OFD1: variants seen among roughly 807,000 people sequenced by gnomAD.
OFD1 encodes OFD1 centriole and centriolar satellite protein.
OFD1 carries 12 observed loss-of-function variants against 81.4 expected under a neutral mutation model. That is an observed-to-expected ratio of 0.15 (90% confidence interval 0.09 to 0.24). The LOEUF is 0.24. OFD1 is among the 10% of genes least tolerant of loss of function. The pLI is 1.00. For missense variants in OFD1, 685 were observed against 733.9 expected (o/e 0.93, Z 0.77); for synonymous variants, 256 against 263.7 (o/e 0.97, Z 0.28).
At chrX:13,771,120 TTAC>T (rs1453602718), downstream of OFD1, 7 of 112,361 alleles carry the variant, frequency 6.2e-5, no homozygotes, top group Non-Finnish European at 1.3e-4. Flanking sequence ...CACTGTTAGG[TTAC>T]AAAAATTTAT....
intron 11 of OFD1, among the ~76,000 whole-genome samples, chrX:13,754,012 C>T (rs1418686685): frequency 9.5e-6 from 1 of 105,740 alleles, no homozygotes; most frequent in Non-Finnish European, 1.9e-5. Flanking sequence ...GACGGAGTCT[C>T]GCTCTGTCAC....
chrX:13,734,179 G>A (rs1310419336), upstream of OFD1: 2 of 493,775 alleles, frequency 4.1e-6, no homozygotes, highest in Admixed American at 2.8e-5. Context: ...TGGGGGAGAA[G>A]GTGATACTGA....
chrX:13,748,120 G>A (rs1218840372), intron 8 of OFD1, among the ~76,000 whole-genome samples: 1 of 112,083 alleles, frequency 8.9e-6, no homozygotes, highest in Non-Finnish European at 1.9e-5. Flanking sequence ...CTAAAATTTT[G>A]TATAGCATTT....
chrX:13,750,221 G>A lies in OFD1; in HGVS notation c.935+688G>A, dbSNP rs963740869. Among the ~76,000 whole-genome samples, 19 of 111,521 alleles carry A rather than the reference G, an allele frequency of 1.7e-4. No homozygotes were observed. Among genetic ancestry groups the A allele is most frequent in the Non-Finnish European group, 3.4e-4 (18 of 53,074 alleles). On this transcript the variant is annotated intron_variant, in intron 9 of 22. Transcript: ENST00000340096. Reference sequence around the variant, plus strand: ...CTCTGTCTACCTTACTCTCTTTTTGGCAATAATGAAAAGGTAAATTGATCA... The same window carrying A: ...CTCTGTCTACCTTACTCTCTTTTTGACAATAATGAAAAGGTAAATTGATCA...
chrX:13,773,706 A>G (rs1251154214), downstream of OFD1: 2 of 111,367 alleles, frequency 1.8e-5, no homozygotes, highest in African/African-American at 6.5e-5. Context: ...TTTTCCTCGT[A>G]TTTCCTGCAA....
intron 17 of OFD1, among the ~76,000 whole-genome samples, chrX:13,761,523 A>G (rs924760845): frequency 8.9e-6 from 1 of 112,449 alleles, no homozygotes; most frequent in Admixed American, 9.4e-5. Flanking sequence ...TATTAAGATA[A>G]AAAACAAATG....
the OFD1 span, chrX:13,722,219 A>AAAG: frequency 1.0e-5 from 1 of 99,114 alleles, no homozygotes; most frequent in East Asian, 3.0e-4. Context: ...AAAAAAAAAA[A>AAAG]AAAAAAAAAA....
chrX:13,768,983 G>A (rs2048241236), intron 22 of OFD1, 83 bp from the exon 23 acceptor site: 2 of 817,484 alleles, frequency 2.4e-6, no homozygotes, highest in East Asian at 3.1e-5. Context: ...ACCCCCCAGG[G>A]AAGGAATTGA....
chrX:13,761,235 T>A (rs777993899), intron 17 of OFD1, 24 bp downstream of exon 17: 1 of 1,203,688 alleles, frequency 8.3e-7, no homozygotes, highest in African/African-American at 1.8e-5. Context: ...TCTGATTGAT[T>A]AGCTTCAGCT....
At chrX:13,763,503 G>A (rs1050103894) in intron 18 of OFD1, among the ~76,000 whole-genome samples, 5 of 112,638 alleles carry the variant, frequency 4.4e-5, no homozygotes, top group Non-Finnish European at 3.7e-5. Flanking sequence ...TGATTTTCCT[G>A]TTGGGTAACG....
intron 5 of OFD1, 63 bp downstream of exon 5, chrX:13,739,095 A>C: frequency 2.0e-6 from 2 of 988,782 alleles, no homozygotes; most frequent in South Asian, 4.2e-5. Context: ...CCTCTAAAAG[A>C]ATGAAGCAAA....
Position 13,735,755 on chromosome X carries a change from T to C in OFD1, c.111+409T>C, listed in dbSNP as rs187297183. ...ACTAGTGTACTGCTTAATAATAGTT[T>C]GGGAAATGAAAAATTTTATCTTTAA... On this transcript the variant is annotated intron_variant, in intron 2 of 22. Transcript: ENST00000340096. Among the ~76,000 whole-genome samples, 5 of 112,263 alleles carry C rather than the reference T, an allele frequency of 4.5e-5. No individual in the cohort carries two copies. In the East Asian group the frequency reaches 1.4e-3, roughly 31 times the overall value.
intron 3 of OFD1, among the ~76,000 whole-genome samples, chrX:13,738,001 C>G (rs893801845): frequency 1.8e-5 from 2 of 110,911 alleles, no homozygotes; most frequent in Non-Finnish European, 3.8e-5. Flanking sequence ...AGGTGCCCAC[C>G]ACTACACCTG....
At position 13,763,796 on chromosome X, in the gene OFD1, G is replaced by T; in HGVS notation, c.2540G>T (p.Gly847Val). ...GAAATGGGCGGGCTTTCTCCTGCCG[G>T]GGATATGTCTCATGTGGACGCTGCT... is the stretch of plus-strand genomic sequence containing the variant. ...QLEMGGLSPA[G>V]DMSHVDAAAA... The change falls in exon 19 of 23, where the codon GGG (glycine) becomes GTG (valine). Residue 847 changes from glycine (G) to valine (V), a missense_variant. Physicochemically the swap from Gly to Val is moderately radical, Grantham distance 109. Coordinates refer to ENST00000340096, the MANE Select transcript of OFD1 (RefSeq NM_003611.3). 8.3e-7 allele frequency: 1 copy of T among 1,211,369 alleles called. No individual in the cohort carries two copies. Among genetic ancestry groups the T allele is most frequent in the South Asian group, 1.8e-5 (1 of 56,994 alleles).
intron 18 of OFD1, among the ~76,000 whole-genome samples, chrX:13,762,889 G>A (rs762713611): frequency 9.0e-6 from 1 of 110,784 alleles, no homozygotes; most frequent in East Asian, 2.8e-4. Context: ...TCAGCCTCCC[G>A]AGTAGCTGGG....
At chrX:13,722,812 C>T in the OFD1 span, among the ~76,000 whole-genome samples, 1 of 111,419 alleles carries the variant, frequency 9.0e-6, no homozygotes, top group Non-Finnish European at 1.9e-5. Context: ...GCCTGTAATC[C>T]CAGCACTTTG....
chrX:13,740,949 C>T (rs1266045876), intron 5 of OFD1, among the ~76,000 whole-genome samples: 20 of 109,800 alleles, frequency 1.8e-4, no homozygotes, highest in African/African-American at 6.6e-5. Flanking sequence ...CCATCCTGGC[C>T]AACATGGTGA....
the OFD1 span, among the ~76,000 whole-genome samples, chrX:13,719,547 G>A: frequency 8.9e-5 from 10 of 112,039 alleles, no homozygotes; most frequent in Non-Finnish European, 1.7e-4. Context: ...CATGAAAACA[G>A]CCTGGACTTT....
intron 5 of OFD1, chrX:13,740,204 G>T (rs1390172679): frequency 1.1e-6 from 1 of 931,524 alleles, no homozygotes; most frequent in East Asian, 7.6e-5. Context: ...CTCTACTGAA[G>T]TTCAGTATGG....
Sources: gnomAD v4.1 joint callset for allele counts (sites outside exome capture counted in the v4.1 genomes callset) on GRCh38, gnomAD v4.1.1 for gene constraint, MANE v1.5 for transcripts, NCBI Gene and HGNC (gene_info 2026-07-23, HGNC 2026-07-21) for gene names.